Variants in RCBTB1 observed in about 807,000 individuals in gnomAD.
The protein encoded by RCBTB1 is RCC1 and BTB domain containing protein 1, also known as RCC1 and BTB domain-containing protein 1.
In RCBTB1, 46 loss-of-function variants were observed where a neutral mutation model predicts 62.4. That is an observed-to-expected ratio of 0.74 (90% CI 0.58 to 0.94). The LOEUF (loss-of-function observed/expected upper bound fraction) is 0.94. Among genes scored for constraint, RCBTB1 ranks in the 40% least tolerant of loss-of-function variants. RCBTB1 has a pLI of 0.00. For missense variants in RCBTB1, 565 were observed against 654.9 expected (o/e 0.86, Z 1.50); for synonymous variants, 222 against 245.8 (o/e 0.90, Z 0.91).
intron 7 of RCBTB1, among the ~76,000 whole-genome samples, chr13:49,551,928 A>C (rs1389479625): frequency 1.3e-5 from 2 of 148,972 alleles, no homozygotes; most frequent in East Asian, 3.9e-4. Context: ...GCATTAGAAA[A>C]GCCTAAACCT....
intron 5 of RCBTB1, among the ~76,000 whole-genome samples, chr13:49,556,913 C>T (rs1312434836): frequency 1.3e-5 from 2 of 152,216 alleles, no homozygotes; most frequent in Non-Finnish European, 2.9e-5. Context: ...TTTCAGCAAT[C>T]ATTCTTCTGG....
intron 12 of RCBTB1, among the ~76,000 whole-genome samples, chr13:49,534,808 CG>C (rs1959813388): frequency 6.6e-6 from 1 of 152,034 alleles, no homozygotes; most frequent in South Asian, 2.1e-4. Flanking sequence ...CCGAGGCGGG[CG>C]GATCACTTGA....
Position 49,544,796 on chromosome 13 carries a change from A to G in RCBTB1, c.1113T>C (p.Asp371=). The G allele has an allele frequency of 3.7e-6, 6 of 1,612,034 alleles. No individual in the cohort carries two copies. The highest frequency in any genetic ancestry group is 4.2e-6 in the Non-Finnish European group (5 of 1,178,620). The change falls in exon 10 of 13, where the codon GAT becomes GAC. Residue 371 remains aspartate, a synonymous_variant. Transcript: ENST00000378302. ...KKEFDSPETA[D]LKFRIDGKYI... ...ATTTTCCATCAATTCGAAACTTCAG[A>G]TCAGCAGTTTCTGGACTATCAAATT...
rs372827262 is a variant in RCBTB1 at position 49,542,307 on chromosome 13, A to G, written c.1173-480T>C. 6.6e-5 allele frequency among the ~76,000 whole-genome samples: 10 copies of G among 152,188 alleles called. No individual in the cohort carries two copies. The East Asian group carries it at 1.9e-3, about 29-fold the overall frequency. On this transcript the variant is annotated intron_variant, in intron 10 of 12. Coordinates refer to ENST00000378302, the MANE Select transcript of RCBTB1 (RefSeq NM_018191.4). ...AGTTAGCACCCAAAAAACATTCCACATGCAAGTGGTTTTTGTACATGCCTT... is the reference window on the plus strand; with the variant it reads ...AGTTAGCACCCAAAAAACATTCCACGTGCAAGTGGTTTTTGTACATGCCTT...
chr13:49,549,274 G>C (rs754934203), intron 9 of RCBTB1, among the ~76,000 whole-genome samples, 184 bp downstream of exon 9: 1 of 151,840 alleles, frequency 6.6e-6, no homozygotes, highest in Non-Finnish European at 1.5e-5. Context: ...AAAATTTAAA[G>C]TTCATGGTAA....
chr13:49,565,080 T>C (rs1594319294), intron 4 of RCBTB1, among the ~76,000 whole-genome samples: 1 of 152,162 alleles, frequency 6.6e-6, no homozygotes, highest in Non-Finnish European at 1.5e-5. Context: ...AGCTGGACTG[T>C]ACTGCTGCCA....
chr13:49,555,685 A>C lies in RCBTB1; in HGVS notation c.445-12T>G, dbSNP rs747130552. On this transcript the variant is annotated splice_polypyrimidine_tract_variant and intron_variant, in intron 5 of 12. Transcript: ENST00000378302. ...CCCCAAGCAAACACCTACAAGAGAA[A>C]GAAAAAGGAAAAGGAAAGAATAGTC... 3.2e-6 allele frequency: 5 copies of C among 1,546,044 alleles called. No homozygotes were observed. Among genetic ancestry groups the C allele is most frequent in the African/African-American group, 1.4e-5 (1 of 71,868 alleles).
At chr13:49,535,651 T>C (rs1959881641) in intron 12 of RCBTB1, among the ~76,000 whole-genome samples, 1 of 152,120 alleles carries the variant, frequency 6.6e-6, no homozygotes, top group African/African-American at 2.4e-5. Flanking sequence ...GATTTCCTTG[T>C]TCTAAGGGTC....
intron 6 of RCBTB1, among the ~76,000 whole-genome samples, chr13:49,554,284 T>C (rs565239820): frequency 1.2e-4 from 19 of 152,328 alleles, no homozygotes; most frequent in South Asian, 2.1e-4. Flanking sequence ...CTTTTTATTT[T>C]ATCTGTTTCA....
Position 49,566,766 on chromosome 13 carries a change from G to C in RCBTB1, c.129C>G (p.Val43=). The C allele has an allele frequency of 6.3e-7, 1 of 1,599,846 alleles. No homozygotes were observed. Among genetic ancestry groups the C allele is most frequent in the East Asian group, 2.2e-5 (1 of 44,764 alleles). Residue 43 remains valine, a splice_region_variant and synonymous_variant, in exon 4 of 13, where the codon GTC becomes GTG. Coordinates refer to ENST00000378302, the MANE Select transcript of RCBTB1 (RefSeq NM_018191.4). Reference sequence around the variant, plus strand: ...TACTATAGTTCAGTCCAAATACAAAGACCTAGAAAATAGATAGTTTTTTTT... The same window carrying C: ...TACTATAGTTCAGTCCAAATACAAACACCTAGAAAATAGATAGTTTTTTTT... ...EALYVTDNDE[V]FVFGLNYSNC...
At chr13:49,542,572 GTT>G (rs1306972065) in intron 10 of RCBTB1, among the ~76,000 whole-genome samples, 1 of 151,856 alleles carries the variant, frequency 6.6e-6, no homozygotes, top group Non-Finnish European at 1.5e-5. Context: ...TGATTCATTT[GTT>G]TTTTGTTTTA....
chr13:49,558,137 T>C (rs116376722), intron 5 of RCBTB1, among the ~76,000 whole-genome samples: 2,472 of 152,346 alleles, frequency 0.016, 75 homozygotes, highest in African/African-American at 0.056. Context: ...GTGTGGGTTT[T>C]CTCTGGGTAC....
At chr13:49,541,602 C>T (rs1213537079) in intron 11 of RCBTB1, 74 bp downstream of exon 11, 3 of 1,395,914 alleles carry the variant, frequency 2.1e-6, no homozygotes, top group East Asian at 2.4e-5. Flanking sequence ...AAGCTTTTTA[C>T]ATTTCAGGAC....
intron 5 of RCBTB1, among the ~76,000 whole-genome samples, chr13:49,558,933 T>C (rs935202722): frequency 6.6e-6 from 1 of 152,212 alleles, no homozygotes; most frequent in Non-Finnish European, 1.5e-5. Context: ...ATTGGGTAAA[T>C]AATTCTCTTA....
chr13:49,567,345 A>G (rs1963096070), intron 2 of RCBTB1, 25 bp from the exon 3 acceptor site: 1 of 1,549,406 alleles, frequency 6.5e-7, no homozygotes, highest in African/African-American at 1.4e-5. Flanking sequence ...AGGATTCCAG[A>G]AAAAAATTAA....
chr13:49,555,579 A>T lies in RCBTB1; in HGVS notation c.539T>A (p.Ile180Asn), dbSNP rs1005302452. ...ACAGGCAATGCCAACTACCCTCTTA[A>T]TATGTAAACAGTTTGTAACTTTTCG... ...TPRKVTNCLH[I>N]KRVVGIACGQ... Residue 180 changes from isoleucine (I) to asparagine (N), a missense_variant, in exon 6 of 13, where the codon ATT (isoleucine) becomes AAT (asparagine). Transcript: ENST00000378302. 5 of 1,613,738 alleles carry T rather than the reference A, an allele frequency of 3.1e-6. No homozygotes were observed. Among genetic ancestry groups the T allele is most frequent in the Non-Finnish European group, 4.2e-6 (5 of 1,179,760 alleles).
At chr13:49,534,317 G>C in intron 12 of RCBTB1, 55 bp from the exon 13 acceptor site, 1 of 1,561,216 alleles carries the variant, frequency 6.4e-7, no homozygotes, top group Admixed American at 1.7e-5. Flanking sequence ...AACTTTGATT[G>C]AATTACTTCT....
rs1959606468 is a variant in RCBTB1 at position 49,532,119 on chromosome 13, A to G, written c.*2003T>C. On this transcript the variant is annotated 3_prime_UTR_variant, in exon 13 of 13. Transcript: ENST00000378302. ...ATTATTACATTAGATGAAAAAATCA[A>G]TTCAAATAAGAGTTGTCATATCCTG... is the stretch of plus-strand genomic sequence containing the variant. 2 of 152,672 alleles carry G rather than the reference A, an allele frequency of 1.3e-5. No individual in the cohort carries two copies. The highest frequency in any genetic ancestry group is 1.3e-4 in the Admixed American group (2 of 15,278). The allele number at this position is 152,672 out of a possible 1,614,324, so 9.5% of individuals were successfully genotyped here. A position where few individuals can be genotyped will look rare whatever the true frequency, so the allele number is the denominator to read the frequency against.
At chr13:49,554,286 T>C (rs1413889412) in intron 6 of RCBTB1, among the ~76,000 whole-genome samples, 2 of 152,224 alleles carry the variant, frequency 1.3e-5, no homozygotes, top group African/African-American at 2.4e-5. Flanking sequence ...TTTTATTTTA[T>C]CTGTTTCACT....
Sources: gnomAD v4.1 joint callset for allele counts (sites outside exome capture counted in the v4.1 genomes callset) on GRCh38, gnomAD v4.1.1 for gene constraint, MANE v1.5 for transcripts, NCBI Gene and HGNC (gene_info 2026-07-23, HGNC 2026-07-21) for gene names.